The following HCN2 variants were observed in gnomAD, a reference collection of about 807,000 sequenced individuals.
HCN2 encodes the protein potassium/sodium hyperpolarization-activated cyclic nucleotide-gated channel 2.
A neutral mutation model predicts 52.3 loss-of-function variants in HCN2; 20 were observed. The ratio of observed to expected loss-of-function variants is 0.38; its 90% CI spans 0.27 to 0.56. The LOEUF is 0.56. HCN2 is among the 20% of genes least tolerant of loss of function. HCN2 has a pLI of 0.71. For synonymous variants in HCN2, 694 were observed against 537.0 expected (o/e 1.29, Z -4.04); for missense variants, 981 against 1,207.7 (o/e 0.81, Z 2.78).
At chr19:615,680 G>T in intron 7 of HCN2, 115 bp from the exon 8 acceptor site, 2 of 956,494 alleles carry the variant, frequency 2.1e-6, no homozygotes, top group Non-Finnish European at 3.3e-6. Context: ...GTAAATGCAT[G>T]CTTGCTCTAC....
At chr19:599,862 G>A (rs1474717836) in intron 1 of HCN2, among the ~76,000 whole-genome samples, 5 of 83,076 alleles carry the variant, frequency 6.0e-5, no homozygotes, top group Non-Finnish European at 9.0e-5. Flanking sequence ...GTGTGTGTGT[G>A]TGTGTGTGTG....
chr19:616,242 TGAGCCGCGCGTCGCGC>T lies in HCN2; in HGVS notation c.2439_2454del (p.Ser814HisfsTer108). 2.0e-6 allele frequency: 2 copies of T among 1,002,714 alleles called. No individual in the cohort carries two copies. Among genetic ancestry groups the T allele is most frequent in the Non-Finnish European group, 2.4e-6 (2 of 845,274 alleles). 62.1% of individuals were successfully genotyped at this position (1,002,714 alleles called of 1,614,324 possible). A position where few individuals can be genotyped will look rare whatever the true frequency, so the allele number is the denominator to read the frequency against. On this transcript the variant is annotated frameshift_variant, in exon 8 of 8. Coordinates refer to ENST00000251287, the MANE Select transcript of HCN2 (RefSeq NM_001194.4). LOFTEE classifies it low-confidence loss of function (END_TRUNC). ...GGGCCCGCCCTGCCCGCGCGCCGCC[TGAGCCGCGCGTCGCGC>T]CCACTGTCCGCCTCGCAGCCCTCGC...
chr19:602,691 A>T (rs1568363546), intron 1 of HCN2, among the ~76,000 whole-genome samples: 1 of 151,878 alleles, frequency 6.6e-6, no homozygotes. Flanking sequence ...TGTCCTGTCT[A>T]TTTTTTTAAC....
At chr19:612,217 C>T (rs1243394483) in intron 5 of HCN2, among the ~76,000 whole-genome samples, 3 of 152,156 alleles carry the variant, frequency 2.0e-5, no homozygotes, top group Admixed American at 6.5e-5. Flanking sequence ...CTAAAGGGAA[C>T]GTGGTGTAAC....
chr19:616,592 T>G lies in HCN2; in HGVS notation c.*118T>G, dbSNP rs1330439992. ...CCGCCCAGAAGCCATAGACGAGACG[T>G]AGGTAGCCGTAGTTGGACGGACGGG... On this transcript the variant is annotated 3_prime_UTR_variant, in exon 8 of 8. Coordinates refer to ENST00000251287, the MANE Select transcript of HCN2 (RefSeq NM_001194.4). The G allele has an allele frequency of 1.9e-5, 11 of 568,760 alleles. No individual in the cohort carries two copies. The East Asian group carries it at 6.6e-4, about 34-fold the overall frequency. The allele number at this position is 568,760 out of a possible 1,614,324, so 35.2% of individuals were successfully genotyped here.
At chr19:595,681 C>T (rs922640481) in intron 1 of HCN2, among the ~76,000 whole-genome samples, 2 of 152,318 alleles carry the variant, frequency 1.3e-5, no homozygotes, top group South Asian at 4.1e-4. Context: ...CGGCGCCCGG[C>T]GAGAGTTCGG....
In HCN2 at chr19:615,781, C is replaced by T. The variant is rs766974894; in HGVS notation, c.1991-14C>T. On this transcript the variant is annotated splice_polypyrimidine_tract_variant and intron_variant, in intron 7 of 7. Coordinates refer to ENST00000251287, the MANE Select transcript of HCN2 (RefSeq NM_001194.4). Reference sequence around the variant, plus strand: ...GCGCTCCCTGTGCACACGCTAACGCCCCCTCTCCCGCAGGCAAGAAGAATT... The same window carrying T: ...GCGCTCCCTGTGCACACGCTAACGCTCCCTCTCCCGCAGGCAAGAAGAATT... 20 of 1,610,244 alleles carry T rather than the reference C, an allele frequency of 1.2e-5. No individual in the cohort carries two copies. The highest frequency in any genetic ancestry group is 8.4e-5 in the Admixed American group (5 of 59,840).
intron 1 of HCN2, among the ~76,000 whole-genome samples, chr19:603,268 G>A (rs1983276093): frequency 7.0e-6 from 1 of 143,250 alleles, no homozygotes; most frequent in Non-Finnish European, 1.5e-5. Flanking sequence ...GGTGCCTGGG[G>A]GGAAGGCACC....
Position 615,927 on chromosome 19 carries a change from G to C in HCN2, c.2123G>C (p.Gly708Ala). ...GAGATGGTGCAGCAGGCCGAGCTGG[G>C]TCAGCGCGTGGGCCTCTTCCCGCCG... Reference protein sequence around the residue: ...DREMVQQAELGQRVGLFPPPP... With the variant: ...DREMVQQAELAQRVGLFPPPP... The change falls in exon 8 of 8, where the codon GGT (glycine) becomes GCT (alanine). Residue 708 changes from glycine (G) to alanine (A), a missense_variant. Gly to Ala is a moderately conservative substitution (Grantham distance 60). Coordinates refer to ENST00000251287, the MANE Select transcript of HCN2 (RefSeq NM_001194.4). The C allele has an allele frequency of 6.2e-7, 1 of 1,611,354 alleles. No homozygotes were observed. The highest frequency in any genetic ancestry group is 8.5e-7 in the Non-Finnish European group (1 of 1,179,638).
At chr19:599,318 G>A (rs1983127752) in intron 1 of HCN2, among the ~76,000 whole-genome samples, 1 of 152,202 alleles carries the variant, frequency 6.6e-6, no homozygotes, top group African/African-American at 2.4e-5. Flanking sequence ...CCGACTTTCG[G>A]CGGCTCCTGA....
chr19:616,857 T>G lies in HCN2; in HGVS notation c.*383T>G, dbSNP rs1600545965. The G allele has an allele frequency of 9.7e-5, 14 of 144,588 alleles. No individual in the cohort carries two copies. Among genetic ancestry groups the G allele is most frequent in the South Asian group, 3.8e-4 (2 of 5,290 alleles). 9.0% of individuals were successfully genotyped at this position (144,588 alleles called of 1,614,324 possible). A position where few individuals can be genotyped will look rare whatever the true frequency, so the allele number is the denominator to read the frequency against. On this transcript the variant is annotated 3_prime_UTR_variant, in exon 8 of 8. Coordinates refer to ENST00000251287, the MANE Select transcript of HCN2 (RefSeq NM_001194.4). ...GGTGGCCCCCGTCCGAGGAGGATCG[T>G]TTTCTAAGTGCAATACTTGGCCCGC...
In HCN2 at chr19:590,115, G is replaced by T. The variant is rs1228598141; in HGVS notation, c.170G>T (p.Arg57Leu). ...CCCGCGCCCCCCCAGCACCCGCCCC[G>T]GGCCGAGGCGTTGCCCCCGGAGGCG... The part of the protein sequence containing the change: ...PGPAPPQHPP[R>L]AEALPPEAAD... The change falls in exon 1 of 8, where the codon CGG becomes CTG. Residue 57 changes from arginine (R) to leucine (L), a missense_variant. This residue lies in a region of HCN2 where 215 missense variants were observed against 179.4 expected (regional missense o/e 1.20). Transcript: ENST00000251287. The surrounding 1 kb of genome is among the most constrained non-coding windows in gnomAD (Gnocchi z 7.2). The T allele has an allele frequency of 1.7e-5, 15 of 858,298 alleles. No homozygotes were observed. In the African/African-American group the frequency reaches 2.5e-4, roughly 14 times the overall value. The allele number at this position is 858,298 out of a possible 1,614,324, so 53.2% of individuals were successfully genotyped here.
At position 591,754 on chromosome 19, in the gene HCN2, G is replaced by A. The variant is rs1982880402; in HGVS notation, c.632+1177G>A. On this transcript the variant is annotated intron_variant, in intron 1 of 7. Coordinates refer to ENST00000251287, the MANE Select transcript of HCN2 (RefSeq NM_001194.4). This position sits in a 1 kb window ranked among gnomAD's most constrained non-coding sequence, Gnocchi z 4.1. ...CCTCCTCCAGGCCTGGGCGCCCCAG[G>A]ACAGCCCCCACGGACCCTGGACCCC... 6.6e-6 allele frequency among the ~76,000 whole-genome samples: 1 copy of A among 152,154 alleles called. No homozygotes were observed. Among genetic ancestry groups the A allele is most frequent in the Non-Finnish European group, 1.5e-5 (1 of 68,014 alleles).
At chr19:611,025 A>G (rs1983613282) in intron 5 of HCN2, among the ~76,000 whole-genome samples, 1 of 152,068 alleles carries the variant, frequency 6.6e-6, no homozygotes, top group Admixed American at 6.5e-5. Context: ...ATCTGCTCAC[A>G]GCCTTCTCCC....
At chr19:609,070 C>T (rs557155759) in intron 4 of HCN2, among the ~76,000 whole-genome samples, 95 of 152,322 alleles carry the variant, frequency 6.2e-4, no homozygotes, top group Middle Eastern at 3.4e-3. Flanking sequence ...CCCTCTCCCG[C>T]GCCCCGAGCA....
At chr19:610,808 G>A (rs1390202770) in intron 5 of HCN2, among the ~76,000 whole-genome samples, 2 of 152,166 alleles carry the variant, frequency 1.3e-5, no homozygotes, top group South Asian at 2.1e-4. Flanking sequence ...TCCCAGGGTT[G>A]CGGGAACAAA....
rs771951672 is a variant in HCN2 at position 608,087 on chromosome 19, A to G, written c.1342A>G (p.Met448Val). The G allele has an allele frequency of 1.2e-6, 2 of 1,613,252 alleles. No homozygotes were observed. Among genetic ancestry groups the G allele is most frequent in the Non-Finnish European group, 1.7e-6 (2 of 1,180,016 alleles). The change falls in exon 4 of 8, where the codon ATG becomes GTG. Residue 448 changes from methionine to valine, a missense_variant. Physicochemically the swap from Met to Val is conservative, Grantham distance 21. This residue lies in a region of HCN2 where 282 missense variants were observed against 553.8 expected (regional missense o/e 0.51). Transcript: ENST00000251287. ...GGACATCTGGCTGACCATGCTCAGCATGATTGTGGGTGCCACCTGCTACGC... is the reference window on the plus strand; with the variant it reads ...GGACATCTGGCTGACCATGCTCAGCGTGATTGTGGGTGCCACCTGCTACGC... ...MTDIWLTMLSMIVGATCYAMF... is the reference protein window; with the variant it reads ...MTDIWLTMLSVIVGATCYAMF...
At position 592,559 on chromosome 19, in the gene HCN2, C is replaced by A. The variant is rs76202890; in HGVS notation, c.632+1982C>A. Among the ~76,000 whole-genome samples the A allele has an allele frequency of 0.022, 3,379 of 152,168 alleles. 127 individuals carry two copies. The highest frequency in any genetic ancestry group is 0.076 in the African/African-American group (3,174 of 41,520). On this transcript the variant is annotated intron_variant, in intron 1 of 7. Transcript: ENST00000251287. This position sits in a 1 kb window ranked among gnomAD's most constrained non-coding sequence, Gnocchi z 4.8. ...TGGACCAAGTGCAGCCCCACCCCGGCAGATGAGTGTTGAAGTGGAACTGAG... is the reference window on the plus strand; with the variant it reads ...TGGACCAAGTGCAGCCCCACCCCGGAAGATGAGTGTTGAAGTGGAACTGAG...
chr19:604,586 G>C (rs1461897384), intron 2 of HCN2, among the ~76,000 whole-genome samples: 1 of 147,480 alleles, frequency 6.8e-6, no homozygotes, highest in Non-Finnish European at 1.5e-5. Context: ...GTGCTGAGCG[G>C]GGTCAGACAT....
Sources: gnomAD v4.1 joint callset for allele counts (sites outside exome capture counted in the v4.1 genomes callset) on GRCh38, gnomAD v4.1.1 for gene constraint, gnomAD v4.1.1 regional missense constraint, Gnocchi (gnomAD v3.1) non-coding constraint, MANE v1.5 for transcripts, NCBI Gene and HGNC (gene_info 2026-07-23, HGNC 2026-07-21) for gene names.